The following LRP12 variants were observed in gnomAD, a reference collection of about 807,000 sequenced individuals.
LRP12 encodes the protein LDL receptor related protein 12.
A neutral mutation model predicts 66.0 loss-of-function variants in LRP12; 14 were observed. That is an observed-to-expected ratio of 0.21 (90% CI 0.14 to 0.33). The LOEUF is 0.33. Among genes scored for constraint, LRP12 ranks in the 10% least tolerant of loss-of-function variants. The probability of loss-of-function intolerance (pLI) is 1.00; values close to 1 mark genes in which losing one functional copy is unlikely to be tolerated. For synonymous variants in LRP12, 357 were observed against 359.1 expected (o/e 0.99, Z 0.07); for missense variants, 889 against 1,053.4 (o/e 0.84, Z 2.16).
intron 2 of LRP12, among the ~76,000 whole-genome samples, chr8:104,527,800 T>C (rs1811263522): frequency 6.6e-6 from 1 of 151,774 alleles, no homozygotes; most frequent in African/African-American, 2.4e-5. Flanking sequence ...ACCTGCACAT[T>C]GTGCACATGT....
chr8:104,514,327 C>T (rs1038308101), intron 2 of LRP12, among the ~76,000 whole-genome samples: 2 of 151,946 alleles, frequency 1.3e-5, no homozygotes, highest in African/African-American at 4.8e-5. Context: ...TTCATTTTTC[C>T]TAGTTTATCA....
At chr8:104,511,321 C>T (rs1349884835) in intron 2 of LRP12, among the ~76,000 whole-genome samples, 4 of 151,326 alleles carry the variant, frequency 2.6e-5, no homozygotes, top group African/African-American at 9.7e-5. Context: ...GGATTACAGG[C>T]GTGAGCCACC....
In LRP12 at chr8:104,570,886, C is replaced by CA. The variant is rs537951758; in HGVS notation, c.79+17932dup. Among the ~76,000 whole-genome samples the CA allele has an allele frequency of 2.0e-3, 309 of 152,110 alleles. 1 individual carries two copies. Among genetic ancestry groups the CA allele is most frequent in the Non-Finnish European group, 3.9e-3 (264 of 67,968 alleles). On this transcript the variant is annotated intron_variant, in intron 1 of 6. Transcript: ENST00000276654. ...TATAAGAACTCCCAAAACTCAACAG[C>CA]AAAAAACCACCAACCCAATTAAAAA...
chr8:104,577,530 G>T (rs1812183761), intron 1 of LRP12, among the ~76,000 whole-genome samples: 1 of 152,078 alleles, frequency 6.6e-6, no homozygotes, highest in Non-Finnish European at 1.5e-5. Context: ...TTGGAAACAG[G>T]CCGGGAGCAG....
chr8:104,519,145 T>A (rs1811112923), intron 2 of LRP12, among the ~76,000 whole-genome samples: 3 of 152,010 alleles, frequency 2.0e-5, no homozygotes, highest in Admixed American at 2.0e-4. Context: ...CTTGACTGTG[T>A]TTGTTGCCTA....
chr8:104,515,060 A>G (rs1811056876), intron 2 of LRP12, among the ~76,000 whole-genome samples: 1 of 152,222 alleles, frequency 6.6e-6, no homozygotes, highest in Non-Finnish European at 1.5e-5. Context: ...TACCTGACAC[A>G]GATAAAAGCC....
intron 2 of LRP12, among the ~76,000 whole-genome samples, chr8:104,510,570 C>T (rs1409948956): frequency 3.3e-5 from 5 of 152,142 alleles, no homozygotes; most frequent in East Asian, 1.9e-4. Flanking sequence ...CAATCAAATA[C>T]GTGATGTTTA....
Position 104,490,991 on chromosome 8 carries a change from C to G in LRP12, c.2262G>C (p.Gln754His). ...LGRSSSLSQN[Q>H]SPLRQLDNGV... is the part of the protein sequence containing the mutation. ...CATTATCAAGTTGTCTCAAAGGACTCTGGTTCTGACTTAGGGAACTTGATC... is the reference window on the plus strand; with the variant it reads ...CATTATCAAGTTGTCTCAAAGGACTGTGGTTCTGACTTAGGGAACTTGATC... Residue 754 changes from glutamine to histidine, a missense_variant, in exon 7 of 7, where the codon CAG (glutamine) becomes CAC (histidine). Coordinates refer to ENST00000276654, the MANE Select transcript of LRP12 (RefSeq NM_013437.5). 1 of 1,614,050 alleles carries G rather than the reference C, an allele frequency of 6.2e-7. No homozygotes were observed. The highest frequency in any genetic ancestry group is 1.3e-5 in the African/African-American group (1 of 75,040).
chr8:104,515,699 T>C (rs1185435054), intron 2 of LRP12, among the ~76,000 whole-genome samples: 1 of 152,236 alleles, frequency 6.6e-6, no homozygotes, highest in East Asian at 1.9e-4. Flanking sequence ...AACCTATGCA[T>C]ATATGGCTGC....
At chr8:104,530,640 T>C (rs542696721) in intron 2 of LRP12, among the ~76,000 whole-genome samples, 9 of 152,302 alleles carry the variant, frequency 5.9e-5, no homozygotes, top group African/African-American at 2.2e-4. Flanking sequence ...AAAACAGGCC[T>C]CAGTAGTTTT....
At chr8:104,569,852 G>C (rs1379150028) in intron 1 of LRP12, among the ~76,000 whole-genome samples, 1 of 151,806 alleles carries the variant, frequency 6.6e-6, no homozygotes. Flanking sequence ...TGTATAGTTG[G>C]GAAACACAAA....
chr8:104,580,122 G>A (rs997099735), intron 1 of LRP12, among the ~76,000 whole-genome samples: 6 of 152,034 alleles, frequency 3.9e-5, no homozygotes, highest in South Asian at 2.1e-4. Context: ...CAAAGGAAAC[G>A]GTCAACAGAG....
intron 1 of LRP12, among the ~76,000 whole-genome samples, chr8:104,543,012 T>TATATATATATATATATATATATATATAA (rs998815697): frequency 6.7e-6 from 1 of 149,818 alleles, no homozygotes; most frequent in African/African-American, 2.5e-5. Context: ...TATATATATA[T>TATATATATATATATATATATATATATAA]AAATATATAT....
intron 1 of LRP12, among the ~76,000 whole-genome samples, chr8:104,573,156 C>T (rs960790564): frequency 6.6e-6 from 1 of 152,178 alleles, no homozygotes; most frequent in African/African-American, 2.4e-5. Flanking sequence ...ATCTCCCATC[C>T]TTTGTACCTG....
chr8:104,575,895 G>C (rs972078220), intron 1 of LRP12, among the ~76,000 whole-genome samples: 1 of 152,114 alleles, frequency 6.6e-6, no homozygotes, highest in Admixed American at 6.6e-5. Context: ...CGCTGGAACT[G>C]ACAGACAACA....
intron 2 of LRP12, among the ~76,000 whole-genome samples, chr8:104,525,239 C>G (rs1374410657): frequency 6.6e-6 from 1 of 151,824 alleles, no homozygotes; most frequent in Non-Finnish European, 1.5e-5. Context: ...AATTCTGAAC[C>G]AAGAAAAGTT....
intron 1 of LRP12, among the ~76,000 whole-genome samples, chr8:104,554,247 C>T (rs893097627): frequency 4.6e-5 from 7 of 152,156 alleles, no homozygotes; most frequent in Non-Finnish European, 7.3e-5. Context: ...CACACTAGCT[C>T]ACCAGCAATG....
Position 104,496,973 on chromosome 8 carries a change from T to G in LRP12, c.1579A>C (p.Arg527=). Residue 527 remains arginine (R), a splice_region_variant and synonymous_variant, in exon 5 of 7, where the codon AGA becomes CGA. Transcript: ENST00000276654. ...CAATAGTTCTGTCTTGATACTGACC[T>G]TCTTTCAAACATTCTCAGAGAATAA... The part of the protein sequence containing the change: ...KLYSLRMFER[R]SFETQLSRVE... The G allele has an allele frequency of 6.6e-7, 1 of 1,520,532 alleles. No homozygotes were observed. Among genetic ancestry groups the G allele is most frequent in the Non-Finnish European group, 8.8e-7 (1 of 1,135,100 alleles). The allele number at this position is 1,520,532 out of a possible 1,614,324, so 94.2% of individuals were successfully genotyped here.
chr8:104,503,063 T>A (rs1182591715), intron 3 of LRP12, among the ~76,000 whole-genome samples: 2 of 152,134 alleles, frequency 1.3e-5, no homozygotes, highest in Non-Finnish European at 2.9e-5. Flanking sequence ...TTAATTTTAG[T>A]CTTGATGAAG....
Sources: gnomAD v4.1 joint callset for allele counts (sites outside exome capture counted in the v4.1 genomes callset) on GRCh38, gnomAD v4.1.1 for gene constraint, MANE v1.5 for transcripts, NCBI Gene and HGNC (gene_info 2026-07-23, HGNC 2026-07-21) for gene names.